Variants in CHRM3 observed in about 807,000 individuals in gnomAD.
CHRM3 encodes the protein cholinergic receptor muscarinic 3, also known as muscarinic acetylcholine receptor M3.
Under a neutral mutation model 41.8 loss-of-function variants are expected in CHRM3, and 11 were observed. The observed-to-expected ratio is 0.26, with a 90% confidence interval of 0.17 to 0.44. The LOEUF (loss-of-function observed/expected upper bound fraction) is 0.44, where lower values mean the gene tolerates loss of function less well. CHRM3 is among the 20% of genes least tolerant of loss of function. The pLI is 1.00. For missense variants in CHRM3, 571 were observed against 745.4 expected (o/e 0.77, Z 2.72); for synonymous variants, 297 against 301.4 (o/e 0.99, Z 0.15).
At chr1:239,440,698 C>T (rs574826522) in intron 1 of CHRM3, among the ~76,000 whole-genome samples, 15 of 152,198 alleles carry the variant, frequency 9.9e-5, no homozygotes, top group East Asian at 1.9e-4. Flanking sequence ...AAGCATTACT[C>T]GACATTTATC....
intron 5 of CHRM3, chr1:239,705,856 G>T (rs895994392): frequency 5.3e-5 from 8 of 151,890 alleles, no homozygotes; most frequent in Admixed American, 5.2e-4. Context: ...TGGCCAGTGT[G>T]TACAAGGTGA....
At chr1:239,481,946 C>T (rs1375430779) in intron 1 of CHRM3, among the ~76,000 whole-genome samples, 4 of 152,190 alleles carry the variant, frequency 2.6e-5, no homozygotes, top group African/African-American at 9.6e-5. Context: ...TCAAACATAA[C>T]ATAGCTTCAT....
At chr1:239,722,955 C>T (rs888645677) in intron 5 of CHRM3, among the ~76,000 whole-genome samples, 1 of 151,878 alleles carries the variant, frequency 6.6e-6, no homozygotes, top group African/African-American at 2.4e-5. Context: ...CATCACTGTA[C>T]TAATTCGTTT....
chr1:239,469,811 CCT>C (rs1665993307), intron 1 of CHRM3, among the ~76,000 whole-genome samples: 1 of 152,148 alleles, frequency 6.6e-6, no homozygotes, highest in Admixed American at 6.5e-5. Flanking sequence ...CCCGCCTTGG[CCT>C]CTCAAAGTGC....
Position 239,720,078 on chromosome 1 carries a change from AG to A in CHRM3, c.-147+41791del, listed in dbSNP as rs576876427. On this transcript the variant is annotated intron_variant, in intron 5 of 6. Transcript: ENST00000676153. ...ACTTATGCAGAAGACCTATGATAGC[AG>A]TAAGTTTACAGAGCAGAGCTAAGAC... 1.8e-4 allele frequency: 28 copies of A among 152,080 alleles called. No individual in the cohort carries two copies. In the South Asian group the frequency reaches 5.6e-3, roughly 30 times the overall value. 9.4% of individuals were successfully genotyped at this position (152,080 alleles called of 1,614,324 possible).
intron 6 of CHRM3, among the ~76,000 whole-genome samples, chr1:239,885,340 G>A (rs1207569008): frequency 6.6e-6 from 1 of 152,130 alleles, no homozygotes; most frequent in African/African-American, 2.4e-5. Context: ...AGTGACAGGA[G>A]GTCCGGAGTA....
chr1:239,848,443 G>A (rs1233090759), intron 6 of CHRM3, among the ~76,000 whole-genome samples: 1 of 152,138 alleles, frequency 6.6e-6, no homozygotes, highest in East Asian at 1.9e-4. Flanking sequence ...TGATTTTAAT[G>A]ATCCCCAAAA....
At chr1:239,570,313 C>T (rs1229362463) in intron 3 of CHRM3, among the ~76,000 whole-genome samples, 1 of 152,124 alleles carries the variant, frequency 6.6e-6, no homozygotes, top group African/African-American at 2.4e-5. Context: ...TGTAAGTTTC[C>T]TGAGGTCTCC....
At chr1:239,793,085 T>A (rs1259930880) in intron 5 of CHRM3, among the ~76,000 whole-genome samples, 1 of 152,218 alleles carries the variant, frequency 6.6e-6, no homozygotes, top group East Asian at 1.9e-4. Flanking sequence ...GTCACACACT[T>A]GGACTTTTCC....
intron 5 of CHRM3, among the ~76,000 whole-genome samples, chr1:239,804,733 C>T (rs1202899937): frequency 6.6e-6 from 1 of 152,174 alleles, no homozygotes; most frequent in Non-Finnish European, 1.5e-5. Context: ...TCTTCCTAAT[C>T]GATGCCGAGG....
intron 1 of CHRM3, among the ~76,000 whole-genome samples, chr1:239,429,728 C>T (rs1213058023): frequency 6.7e-6 from 1 of 148,942 alleles, no homozygotes; most frequent in Admixed American, 6.7e-5. Flanking sequence ...CTTCTCTTTA[C>T]ATTTAATTAT....
chr1:239,874,307 A>ATCTATATACACAG (rs1558199228), intron 6 of CHRM3, among the ~76,000 whole-genome samples: 16 of 24,626 alleles, frequency 6.5e-4, no homozygotes, highest in East Asian at 3.7e-3. Context: ...ATATATATAT[A>ATCTATATACACAG]TATATATATA....
intron 5 of CHRM3, among the ~76,000 whole-genome samples, chr1:239,763,039 G>A (rs1351634707): frequency 6.6e-6 from 1 of 151,416 alleles, no homozygotes; most frequent in African/African-American, 2.5e-5. Context: ...GAATATATAG[G>A]GTTTTAAGAA....
intron 1 of CHRM3, among the ~76,000 whole-genome samples, chr1:239,402,078 C>T (rs923032552): frequency 4.6e-5 from 7 of 152,162 alleles, no homozygotes; most frequent in African/African-American, 1.4e-4. Context: ...CCAAGTGCTA[C>T]ATATTCATTT....
intron 6 of CHRM3, among the ~76,000 whole-genome samples, chr1:239,842,485 T>C (rs1673896675): frequency 6.6e-6 from 1 of 152,174 alleles, no homozygotes; most frequent in African/African-American, 2.4e-5. Context: ...TCCGCCTGCC[T>C]TGGCCTCCCA....
At chr1:239,875,711 T>C (rs916938078) in intron 6 of CHRM3, among the ~76,000 whole-genome samples, 1 of 152,210 alleles carries the variant, frequency 6.6e-6, no homozygotes, top group African/African-American at 2.4e-5. Flanking sequence ...CCCCACATTG[T>C]TGGTCTTCAA....
chr1:239,519,770 CAG>C (rs1251804814), intron 2 of CHRM3, among the ~76,000 whole-genome samples: 1 of 61,422 alleles, frequency 1.6e-5, no homozygotes, highest in Non-Finnish European at 3.2e-5. Context: ...TTTTTTGAGA[CAG>C]AGTCTCGCTC....
chr1:239,550,896 A>T (rs1276681039), intron 3 of CHRM3, among the ~76,000 whole-genome samples: 1 of 152,038 alleles, frequency 6.6e-6, no homozygotes. Context: ...TAGTAAGAAA[A>T]ATATTTTAAA....
intron 5 of CHRM3, among the ~76,000 whole-genome samples, chr1:239,772,317 A>AT (rs1667750666): frequency 6.6e-6 from 1 of 151,924 alleles, no homozygotes; most frequent in Non-Finnish European, 1.5e-5. Context: ...CAACCGGATA[A>AT]TTTTTTGTAT....
Sources: gnomAD v4.1 joint callset for allele counts (sites outside exome capture counted in the v4.1 genomes callset) on GRCh38, gnomAD v4.1.1 for gene constraint, MANE v1.5 for transcripts, NCBI Gene and HGNC (gene_info 2026-07-23, HGNC 2026-07-21) for gene names.